The following KALRN variants were observed in gnomAD, a reference collection of about 807,000 sequenced individuals.
KALRN encodes kalirin RhoGEF kinase, also known as kalirin.
In KALRN, 70 loss-of-function variants were observed where a neutral mutation model predicts 353.7. The ratio of observed to expected loss-of-function variants is 0.20; its 90% CI spans 0.16 to 0.24. KALRN has a LOEUF of 0.24. Ranked by LOEUF, KALRN falls within the 10% of genes least tolerant of loss-of-function variation. The probability of loss-of-function intolerance (pLI) is 1.00; values close to 1 mark genes in which losing one functional copy is unlikely to be tolerated. For missense variants in KALRN, 2,791 were observed against 3,756.7 expected, an observed-to-expected ratio of 0.74 and a Z score of 6.72; for synonymous variants, 1,391 against 1,434.8, an observed-to-expected ratio of 0.97 and a Z score of 0.69.
In KALRN at chr3:124,520,782, C is replaced by T. The variant is rs375381496; in HGVS notation, c.4935+24369C>T. On this transcript the variant is annotated intron_variant, in intron 33 of 59. Coordinates refer to ENST00000682506, the MANE Select transcript of KALRN (RefSeq NM_001388419.1). ...GTCAAGGAGGTTTCCATTCACTGGG[C>T]GCTTTTCTGACACCAAGTACCAGGA... Among the ~76,000 whole-genome samples the T allele has an allele frequency of 1.9e-4, 29 of 152,280 alleles. No individual in the cohort carries two copies. The South Asian group carries it at 4.2e-3, about 22-fold the overall frequency.
chr3:124,366,570 G>A (rs377541103), intron 10 of KALRN, among the ~76,000 whole-genome samples: 3 of 149,826 alleles, frequency 2.0e-5, no homozygotes, highest in East Asian at 2.0e-4. Flanking sequence ...TTTTCTTAGT[G>A]CAGAACAAAA....
At chr3:124,706,052 A>G (rs933782039) in intron 57 of KALRN, among the ~76,000 whole-genome samples, 1 of 152,042 alleles carries the variant, frequency 6.6e-6, no homozygotes, top group African/African-American at 2.4e-5. Flanking sequence ...GACTACAGAC[A>G]CACACCATTA....
intron 1 of KALRN, among the ~76,000 whole-genome samples, chr3:124,101,663 C>T (rs569272875): frequency 2.6e-5 from 4 of 152,282 alleles, no homozygotes; most frequent in African/African-American, 7.2e-5. Context: ...CTTTCCTTTT[C>T]CTCGCTCTCA....
At position 124,693,829 on chromosome 3, in the gene KALRN, A is replaced by C. The variant is rs1401602156; in HGVS notation, c.7403A>C (p.Glu2468Ala). Residue 2468 changes from glutamate (E) to alanine (A), a missense_variant and splice_region_variant, in exon 52 of 60, where the codon GAA (glutamate) becomes GCA (alanine). By Grantham distance (107) the Glu-to-Ala change is moderately radical. Transcript: ENST00000682506. ...MEILNPNFIQ[E>A]VAPEFLVPLV... ...ATCTTAAATCCAAATTTCATCCAAG[A>C]AGGTGAGTTAAAAAGCATTAGAATT... 2 of 1,568,938 alleles carry C rather than the reference A, an allele frequency of 1.3e-6. No homozygotes were observed. Among genetic ancestry groups the C allele is most frequent in the Non-Finnish European group, 1.7e-6 (2 of 1,148,276 alleles).
intron 1 of KALRN, among the ~76,000 whole-genome samples, chr3:124,052,168 T>C (rs116341997): frequency 6.6e-6 from 1 of 152,322 alleles, no homozygotes; most frequent in African/African-American, 2.4e-5. Flanking sequence ...GTCCTCCTGA[T>C]GCCAGAACTC....
rs185183038 is a variant in KALRN at position 124,096,772 on chromosome 3, T to A, written c.73+62959T>A. 322 of 152,328 alleles carry A rather than the reference T, an allele frequency of 2.1e-3. 1 individual carries two copies. The highest frequency in any genetic ancestry group is 7.5e-3 in the African/African-American group (313 of 41,576). The allele number at this position is 152,328 out of a possible 1,614,324, so 9.4% of individuals were successfully genotyped here. A position where few individuals can be genotyped will look rare whatever the true frequency, so the allele number is the denominator to read the frequency against. On this transcript the variant is annotated intron_variant, in intron 1 of 59. Coordinates refer to ENST00000682506, the MANE Select transcript of KALRN (RefSeq NM_001388419.1). ...TTAAAAATTGGAATATTAATAATAATGCCTACATCATAGAATTTGGGGGAA... is the reference window on the plus strand; with the variant it reads ...TTAAAAATTGGAATATTAATAATAAAGCCTACATCATAGAATTTGGGGGAA...
intron 10 of KALRN, among the ~76,000 whole-genome samples, chr3:124,365,761 G>A (rs192350557): frequency 6.6e-6 from 1 of 150,800 alleles, no homozygotes. Flanking sequence ...CAGACTCCCT[G>A]CCTGTCATTC....
At chr3:124,124,166 A>G (rs934787544) in intron 1 of KALRN, among the ~76,000 whole-genome samples, 1 of 152,210 alleles carries the variant, frequency 6.6e-6, no homozygotes, top group Admixed American at 6.5e-5. Context: ...TGCCTTAAGA[A>G]CATTTGTGGT....
At chr3:124,678,889 A>G (rs185038144) in intron 50 of KALRN, among the ~76,000 whole-genome samples, 2 of 152,336 alleles carry the variant, frequency 1.3e-5, no homozygotes, top group African/African-American at 2.4e-5. Flanking sequence ...CTTTGAACTC[A>G]TGAATTCTAA....
Position 124,679,382 on chromosome 3 carries a change from CCT to C in KALRN, c.7318-67_7318-66del, listed in dbSNP as rs1278907144. 2.5e-5 allele frequency: 33 copies of C among 1,305,136 alleles called. No homozygotes were observed. In the East Asian group the frequency reaches 4.2e-4, roughly 17 times the overall value. 80.8% of individuals were successfully genotyped at this position (1,305,136 alleles called of 1,614,324 possible). ...ATCGCCCATGCTTCTCTGAAGTTCTCCTCTCTCTCTAGCAAAAGCTACTTGTG... is the reference window on the plus strand; with the variant it reads ...ATCGCCCATGCTTCTCTGAAGTTCTCCTCTCTCTAGCAAAAGCTACTTGTG... On this transcript the variant is annotated intron_variant, in intron 50 of 59. Coordinates refer to ENST00000682506, the MANE Select transcript of KALRN (RefSeq NM_001388419.1).
Position 124,453,815 on chromosome 3 carries a change from G to C in KALRN, c.3553-1362G>C, listed in dbSNP as rs141008115. Among the ~76,000 whole-genome samples the C allele has an allele frequency of 2.1e-4, 32 of 152,150 alleles. No individual in the cohort carries two copies. The South Asian group carries it at 5.8e-3, about 28-fold the overall frequency. ...TACCCAGCTTAAGTACTGCTTCTCC[G>C]TGAGACCTCCCCTACCCATGCCTGT... On this transcript the variant is annotated intron_variant, in intron 21 of 59. Coordinates refer to ENST00000682506, the MANE Select transcript of KALRN (RefSeq NM_001388419.1).
At chr3:124,132,491 C>A (rs955062680) in intron 1 of KALRN, among the ~76,000 whole-genome samples, 3 of 152,186 alleles carry the variant, frequency 2.0e-5, no homozygotes, top group African/African-American at 7.2e-5. Flanking sequence ...GACTTCTTTC[C>A]TGGCCTGAGC....
intron 1 of KALRN, among the ~76,000 whole-genome samples, chr3:124,210,738 T>G (rs2150501172): frequency 6.6e-6 from 1 of 152,306 alleles, no homozygotes; most frequent in Middle Eastern, 3.4e-3. Flanking sequence ...ATGACTCAGT[T>G]GCTCTGTAGA....
chr3:124,204,896 T>TCCA (rs2076278117), intron 1 of KALRN, among the ~76,000 whole-genome samples: 1 of 152,216 alleles, frequency 6.6e-6, no homozygotes, highest in Non-Finnish European at 1.5e-5. Context: ...TATCAGCTTA[T>TCCA]TAGGAGAACT....
chr3:124,404,168 A>G (rs906162173), intron 13 of KALRN, among the ~76,000 whole-genome samples: 7 of 149,014 alleles, frequency 4.7e-5, no homozygotes, highest in African/African-American at 1.2e-4. Context: ...AAAAAAAAAA[A>G]AGAGAGAACT....
chr3:124,688,478 C>CTCA (rs2061664346), intron 51 of KALRN, among the ~76,000 whole-genome samples: 1 of 152,046 alleles, frequency 6.6e-6, no homozygotes, highest in South Asian at 2.1e-4. Context: ...ATTGCTAGAT[C>CTCA]TCATCATCTA....
intron 8 of KALRN, 111 bp downstream of exon 8, chr3:124,330,103 AG>A: frequency 8.5e-7 from 1 of 1,174,812 alleles, no homozygotes; most frequent in African/African-American, 1.6e-5. Flanking sequence ...TAAGAAGAAG[AG>A]GCTGTTTTTC....
chr3:124,172,546 T>C (rs1350207965), intron 1 of KALRN, among the ~76,000 whole-genome samples: 1 of 152,166 alleles, frequency 6.6e-6, no homozygotes, highest in Non-Finnish European at 1.5e-5. Context: ...TCTGAAGTCT[T>C]GGGCAAGGCT....
chr3:124,225,742 A>G (rs529019295), intron 1 of KALRN, among the ~76,000 whole-genome samples: 1 of 152,308 alleles, frequency 6.6e-6, no homozygotes, highest in East Asian at 1.9e-4. Flanking sequence ...ATTATAGCAA[A>G]TTTGAAACCC....
Sources: allele counts gnomAD v4.1 joint callset (sites outside exome capture counted in the v4.1 genomes callset), GRCh38; gene constraint gnomAD v4.1.1; transcripts MANE v1.5; gene names NCBI Gene and HGNC (gene_info 2026-07-23, HGNC 2026-07-21).